The following PDXP variants were observed in gnomAD, a reference collection of about 807,000 sequenced individuals.
The protein encoded by PDXP is pyridoxal phosphatase, also known as chronophin.
A neutral mutation model predicts 14.4 loss-of-function variants in PDXP; 15 were observed. The observed-to-expected ratio is 1.04, with a 90% CI of 0.70 to 1.60. The LOEUF is 1.60. Ranked by LOEUF, PDXP falls within the 40% of genes most tolerant of loss-of-function variation. The pLI is 0.00. For synonymous variants in PDXP, 233 were observed against 205.6 expected, an observed-to-expected ratio of 1.13 and a Z score of -1.14; for missense variants, 413 against 427.6, an observed-to-expected ratio of 0.97 and a Z score of 0.30.
In PDXP at chr22:37,661,887, C is replaced by T. The variant is rs188677488; in HGVS notation, c.574+2531C>T. Among the ~76,000 whole-genome samples, 182 of 145,850 alleles carry T rather than the reference C, an allele frequency of 1.2e-3. 1 individual carries two copies. The highest frequency in any genetic ancestry group is 4.4e-3 in the African/African-American group (173 of 39,398). ...GAAGGAATCGCTCACCAACGGAGCA[C>T]GTGGCTTTTATTCTCTCTCTTTTTC... On this transcript the variant is annotated intron_variant, in intron 1 of 1. Coordinates refer to ENST00000215904, the MANE Select transcript of PDXP (RefSeq NM_020315.5).
At position 37,659,105 on chromosome 22, in the gene PDXP, G is replaced by C; in HGVS notation, c.323G>C (p.Gly108Ala). ...CTGCCCGGGCCTCCGGACGCGCCGG[G>C]CGCCGTGTTCGTGCTGGGCGGCGAG... ...QRLPGPPDAP[G>A]AVFVLGGEGL... Residue 108 changes from glycine (G) to alanine (A), a missense_variant, in exon 1 of 2, where the codon GGC (glycine) becomes GCC (alanine). Gly to Ala is a moderately conservative substitution (Grantham distance 60, BLOSUM62 0). Transcript: ENST00000215904. The C allele has an allele frequency of 9.6e-7, 1 of 1,042,070 alleles. No individual in the cohort carries two copies. The highest frequency in any genetic ancestry group is 1.2e-6 in the Non-Finnish European group (1 of 868,930). The allele number at this position is 1,042,070 out of a possible 1,614,324, so 64.6% of individuals were successfully genotyped here.
At chr22:37,663,146 C>CA (rs937632415) in intron 1 of PDXP, among the ~76,000 whole-genome samples, 7 of 148,634 alleles carry the variant, frequency 4.7e-5, no homozygotes, top group East Asian at 4.1e-4. Flanking sequence ...TAAAAAAATA[C>CA]AAAAAAAATT....
intron 1 of PDXP, chr22:37,665,006 C>G (rs1348680134): frequency 6.3e-6 from 1 of 157,548 alleles, no homozygotes; most frequent in Non-Finnish European, 1.4e-5. Flanking sequence ...TAACGCCAGC[C>G]GCGTGAATTC....
At chr22:37,661,027 G>T (rs1933192619) in intron 1 of PDXP, among the ~76,000 whole-genome samples, 1 of 152,164 alleles carries the variant, frequency 6.6e-6, no homozygotes, top group African/African-American at 2.4e-5. Context: ...AGCAGCTCCT[G>T]CCTGCCTTAG....
chr22:37,659,762 C>T (rs1286923089), intron 1 of PDXP, among the ~76,000 whole-genome samples: 1 of 152,160 alleles, frequency 6.6e-6, no homozygotes, highest in East Asian at 1.9e-4. Flanking sequence ...GTTCCAGGTC[C>T]AGCTCCAGCT....
chr22:37,661,599 T>C (rs1411308496), intron 1 of PDXP, among the ~76,000 whole-genome samples: 1 of 152,116 alleles, frequency 6.6e-6, no homozygotes, highest in Non-Finnish European at 1.5e-5. Context: ...AGTGGAATGA[T>C]GGTGGCCTGG....
intron 1 of PDXP, among the ~76,000 whole-genome samples, chr22:37,661,618 G>A (rs1013194329): frequency 1.3e-5 from 2 of 152,128 alleles, no homozygotes; most frequent in African/African-American, 4.8e-5. Context: ...GGGAGACGGC[G>A]ATGTTCCCAG....
chr22:37,662,512 A>G (rs1933225083), intron 1 of PDXP, among the ~76,000 whole-genome samples: 1 of 152,146 alleles, frequency 6.6e-6, no homozygotes, highest in Non-Finnish European at 1.5e-5. Context: ...ATCTTGAGCT[A>G]CCAACGTGCA....
intron 1 of PDXP, among the ~76,000 whole-genome samples, chr22:37,663,565 A>G (rs1048549102): frequency 6.6e-6 from 1 of 151,960 alleles, no homozygotes; most frequent in Non-Finnish European, 1.5e-5. Context: ...TTTAATATCA[A>G]TGACTGTCCG....
At chr22:37,662,513 C>T (rs1933225142) in intron 1 of PDXP, among the ~76,000 whole-genome samples, 1 of 152,176 alleles carries the variant, frequency 6.6e-6, no homozygotes, top group Non-Finnish European at 1.5e-5. Flanking sequence ...TCTTGAGCTA[C>T]CAACGTGCAG....
chr22:37,660,902 C>T (rs1041676773), intron 1 of PDXP, among the ~76,000 whole-genome samples: 2 of 152,258 alleles, frequency 1.3e-5, no homozygotes, highest in Middle Eastern at 3.4e-3. Flanking sequence ...ATTCTGTAGT[C>T]CTTGGCCTCT....
intron 1 of PDXP, chr22:37,664,843 G>A (rs732857): frequency 0.47 from 72,020 of 152,430 alleles, 17,438 homozygotes; most frequent in African/African-American, 0.59. Context: ...TTGGCTTATC[G>A]GTTACTGTAG....
Position 37,659,243 on chromosome 22 carries a change from T to G in PDXP, c.461T>G (p.Phe154Cys). 1.1e-5 allele frequency: 14 copies of G among 1,324,122 alleles called. No homozygotes were observed. The highest frequency in any genetic ancestry group is 1.4e-5 in the Non-Finnish European group (14 of 1,031,930). 82.0% of individuals were successfully genotyped at this position (1,324,122 alleles called of 1,614,324 possible). Residue 154 changes from phenylalanine to cysteine, a missense_variant, in exon 1 of 2, where the codon TTC (phenylalanine) becomes TGC (cysteine). Coordinates refer to ENST00000215904, the MANE Select transcript of PDXP (RefSeq NM_020315.5). The part of the protein sequence containing the change: ...RAVLVGYDEH[F>C]SFAKLREACA... ...GTGCTTGTGGGCTACGACGAGCACTTCTCCTTCGCCAAGCTGAGGGAGGCG... is the reference window on the plus strand; with the variant it reads ...GTGCTTGTGGGCTACGACGAGCACTGCTCCTTCGCCAAGCTGAGGGAGGCG...
chr22:37,661,348 T>C (rs1303604359), intron 1 of PDXP, among the ~76,000 whole-genome samples: 1 of 80,626 alleles, frequency 1.2e-5, no homozygotes, highest in African/African-American at 3.2e-5. Flanking sequence ...TGTGGTGTGG[T>C]GTGTGTGTGT....
At position 37,662,885 on chromosome 22, in the gene PDXP, G is replaced by A. The variant is rs189936929; in HGVS notation, c.575-2670G>A. ...CGCCTGTAATCCCAGCTACTTGGGAGGCTGAGGCAGGAGAATGGCTTGAAC... is the reference window on the plus strand; with the variant it reads ...CGCCTGTAATCCCAGCTACTTGGGAAGCTGAGGCAGGAGAATGGCTTGAAC... On this transcript the variant is annotated intron_variant, in intron 1 of 1. Transcript: ENST00000215904. Among the ~76,000 whole-genome samples the A allele has an allele frequency of 3.0e-4, 46 of 152,212 alleles. No individual in the cohort carries two copies. The East Asian group carries it at 7.3e-3, about 24-fold the overall frequency.
chr22:37,659,023 C>G lies in PDXP; in HGVS notation c.241C>G (p.Arg81Gly). Residue 81 changes from arginine (R) to glycine (G), a missense_variant, in exon 1 of 2, where the codon CGC becomes GGC. Physicochemically the swap from Arg to Gly is moderately radical, Grantham distance 125 (BLOSUM62 -2). Coordinates refer to ENST00000215904, the MANE Select transcript of PDXP (RefSeq NM_020315.5). ...CGCGCGCCTCGGCTTCGGGGGGCTG[C>G]GCGCCGAGCAGCTCTTCAGCTCCGC... ...RFARLGFGGL[R>G]AEQLFSSALC... The G allele has an allele frequency of 1.7e-6, 2 of 1,180,284 alleles. No individual in the cohort carries two copies. Among genetic ancestry groups the G allele is most frequent in the Non-Finnish European group, 1.1e-6 (1 of 952,158 alleles). The allele number at this position is 1,180,284 out of a possible 1,614,324, so 73.1% of individuals were successfully genotyped here. A position where few individuals can be genotyped will look rare whatever the true frequency, so the allele number is the denominator to read the frequency against.
At chr22:37,662,399 T>C in intron 1 of PDXP, among the ~76,000 whole-genome samples, 1 of 152,114 alleles carries the variant, frequency 6.6e-6, no homozygotes, top group Non-Finnish European at 1.5e-5. Flanking sequence ...CCCAGAGCAT[T>C]TGGGGTCAGA....
intron 1 of PDXP, among the ~76,000 whole-genome samples, chr22:37,659,614 C>G (rs1933162345): frequency 6.6e-6 from 1 of 152,120 alleles, no homozygotes; most frequent in South Asian, 2.1e-4. Context: ...GGGCGGAATT[C>G]TGCCCTACCC....
At position 37,665,611 on chromosome 22, in the gene PDXP, G is replaced by A. The variant is rs1363197685; in HGVS notation, c.631G>A (p.Val211Met). The A allele has an allele frequency of 6.2e-7, 1 of 1,613,556 alleles. No homozygotes were observed. The highest frequency in any genetic ancestry group is 8.5e-7 in the Non-Finnish European group (1 of 1,179,964). Reference sequence around the variant, plus strand: ...AGCCTCGGGACGCCAGGCCCTGGTGGTGGGCAAGCCCAGCCCCTACATGTT... The same window carrying A: ...AGCCTCGGGACGCCAGGCCCTGGTGATGGGCAAGCCCAGCCCCTACATGTT... Reference protein sequence around the residue: ...ETASGRQALVVGKPSPYMFEC... With the variant: ...ETASGRQALVMGKPSPYMFEC... The change falls in exon 2 of 2, where the codon GTG (valine) becomes ATG (methionine). Residue 211 changes from valine (V) to methionine (M), a missense_variant. Coordinates refer to ENST00000215904, the MANE Select transcript of PDXP (RefSeq NM_020315.5).
Sources: gnomAD v4.1 joint callset for allele counts (sites outside exome capture counted in the v4.1 genomes callset) on GRCh38, gnomAD v4.1.1 for gene constraint, MANE v1.5 for transcripts, NCBI Gene and HGNC (gene_info 2026-07-23, HGNC 2026-07-21) for gene names.